Variants in ERCC6L2 observed in about 807,000 individuals in gnomAD.
ERCC6L2 encodes ERCC excision repair 6 like 2.
A neutral mutation model predicts 132.0 loss-of-function variants in ERCC6L2; 77 were observed. The observed-to-expected ratio is 0.58, with a 90% CI of 0.49 to 0.71. The LOEUF is 0.71. Among genes scored for constraint, ERCC6L2 ranks in the 30% least tolerant of loss-of-function variants. ERCC6L2 has a pLI of 0.00. For synonymous variants in ERCC6L2, 583 were observed against 632.4 expected (o/e 0.92, Z 1.17); for missense variants, 1,542 against 1,837.6 (o/e 0.84, Z 2.94).
intron 19 of ERCC6L2, among the ~76,000 whole-genome samples, chr9:96,036,763 A>ATTATT (rs1564314535): frequency 7.3e-6 from 1 of 137,666 alleles, no homozygotes; most frequent in African/African-American, 2.8e-5. Context: ...TATTATTATT[A>ATTATT]TTTTTATTTA....
intron 19 of ERCC6L2, among the ~76,000 whole-genome samples, chr9:96,029,356 AAGTT>A (rs1195048892): frequency 2.6e-5 from 4 of 151,642 alleles, no homozygotes; most frequent in African/African-American, 7.3e-5. Context: ...CAGTTAGGAT[AAGTT>A]AGTTAGGATA....
chr9:95,993,233 GTAGGGCCTGGA>G (rs972709046), intron 17 of ERCC6L2, among the ~76,000 whole-genome samples: 22 of 152,204 alleles, frequency 1.4e-4, no homozygotes, highest in African/African-American at 5.1e-4. Flanking sequence ...AAGTGGCAAA[GTAGGGCCTGGA>G]TGCCAGGGCT....
intron 9 of ERCC6L2, among the ~76,000 whole-genome samples, chr9:95,924,381 CAT>C (rs1463065291): frequency 6.6e-5 from 10 of 151,934 alleles, no homozygotes; most frequent in African/African-American, 2.2e-4. Flanking sequence ...ATGAGGATAT[CAT>C]GTGATTTATT....
intron 9 of ERCC6L2, among the ~76,000 whole-genome samples, chr9:95,926,414 G>C (rs914730117): frequency 1.3e-5 from 2 of 151,988 alleles, no homozygotes; most frequent in African/African-American, 2.4e-5. Flanking sequence ...AAAAAGCTGT[G>C]GTACAGCCAT....
At chr9:95,947,121 G>A (rs942884542) in intron 12 of ERCC6L2, among the ~76,000 whole-genome samples, 1 of 152,194 alleles carries the variant, frequency 6.6e-6, no homozygotes, top group Non-Finnish European at 1.5e-5. Context: ...TTAGTGAGGA[G>A]GGCATGTTGA....
At position 96,012,983 on chromosome 9, in the gene ERCC6L2, T is replaced by G. The variant is rs1385175446; in HGVS notation, c.4433T>G (p.Phe1478Cys). 1 of 1,367,294 alleles carries G rather than the reference T, an allele frequency of 7.3e-7. No individual in the cohort carries two copies. The highest frequency in any genetic ancestry group is 1.5e-5 in the African/African-American group (1 of 67,736). The allele number at this position is 1,367,294 out of a possible 1,614,324, so 84.7% of individuals were successfully genotyped here. ...MEKAKQRPKDFWDILNEQNDE... is the reference protein window; with the variant it reads ...MEKAKQRPKDCWDILNEQNDE... ...AAAGCAAAACAGAGACCAAAAGATT[T>G]CTGGGACATCTTGAATGAGCAGAAT... The change falls in exon 19 of 19, where the codon TTC becomes TGC. Residue 1478 changes from phenylalanine (F) to cysteine (C), a missense_variant. Phe to Cys is a radical substitution (Grantham distance 205). Around this residue, in one of 4 missense-constraint regions of ERCC6L2, gnomAD observed 442 missense variants for 583.4 expected, o/e 0.76. Coordinates refer to ENST00000653738, the MANE Select transcript of ERCC6L2 (RefSeq NM_020207.7).
intron 2 of ERCC6L2, among the ~76,000 whole-genome samples, chr9:95,882,277 C>T (rs1010766738): frequency 8.1e-4 from 123 of 152,186 alleles, no homozygotes; most frequent in Non-Finnish European, 1.6e-3. Flanking sequence ...TCATTAGAAG[C>T]AAGTTGCTAA....
At chr9:95,969,180 G>A (rs1457429716) in intron 14 of ERCC6L2, among the ~76,000 whole-genome samples, 3 of 152,172 alleles carry the variant, frequency 2.0e-5, no homozygotes, top group Non-Finnish European at 2.9e-5. Context: ...GATGGAGCCG[G>A]AGAGATGACA....
chr9:96,005,311 T>C (rs1833829220), intron 18 of ERCC6L2, among the ~76,000 whole-genome samples: 1 of 149,798 alleles, frequency 6.7e-6, no homozygotes, highest in Non-Finnish European at 1.5e-5. Flanking sequence ...AGACTCTGTC[T>C]CAAAAAAAAA....
intron 18 of ERCC6L2, among the ~76,000 whole-genome samples, chr9:96,011,250 T>G (rs1164952005): frequency 6.6e-6 from 1 of 152,248 alleles, no homozygotes; most frequent in East Asian, 1.9e-4. Context: ...ACCATCTCCC[T>G]GTATCCTTAC....
At chr9:96,030,066 T>C (rs1048143906) in intron 19 of ERCC6L2, among the ~76,000 whole-genome samples, 10 of 152,352 alleles carry the variant, frequency 6.6e-5, no homozygotes, top group Non-Finnish European at 1.2e-4. Flanking sequence ...AGAACTTTTC[T>C]GTCTTACAAG....
At chr9:95,881,628 A>G (rs1413314980) in intron 2 of ERCC6L2, among the ~76,000 whole-genome samples, 1 of 152,196 alleles carries the variant, frequency 6.6e-6, no homozygotes, top group Non-Finnish European at 1.5e-5. Flanking sequence ...AAGCATTCTA[A>G]CATTTGTTAT....
chr9:96,004,354 T>C (rs1833790733), intron 17 of ERCC6L2, among the ~76,000 whole-genome samples, 166 bp from the exon 18 acceptor site: 2 of 152,250 alleles, frequency 1.3e-5, no homozygotes, highest in Non-Finnish European at 2.9e-5. Flanking sequence ...TTTCCCTGTG[T>C]CATCTTCTTA....
At position 96,017,933 on chromosome 9, in the gene ERCC6L2, G is replaced by A. The variant is rs2133242142; in HGVS notation, c.*4730G>A. 6.6e-6 allele frequency among the ~76,000 whole-genome samples: 1 copy of A among 152,324 alleles called. No individual in the cohort carries two copies. On this transcript the variant is annotated 3_prime_UTR_variant, in exon 19 of 19. Transcript: ENST00000653738. ...GCCTTGAAAGGAAATTCGGACACGT[G>A]CTACAACATAGATGAATCTTGAGGA...
At chr9:95,937,023 C>T (rs554618039) in intron 11 of ERCC6L2, among the ~76,000 whole-genome samples, 6 of 152,252 alleles carry the variant, frequency 3.9e-5, no homozygotes, top group African/African-American at 1.4e-4. Flanking sequence ...ATACATTCAT[C>T]TGTTGAAGGG....
At chr9:95,922,461 G>A (rs745568309) in intron 8 of ERCC6L2, 43 bp downstream of exon 8, 3 of 1,143,046 alleles carry the variant, frequency 2.6e-6, no homozygotes, top group South Asian at 2.8e-5. Context: ...CTATTGTTGT[G>A]AATATTTTAT....
At chr9:96,020,738 A>G (rs768936947), downstream of ERCC6L2, 1 of 456,278 alleles carries the variant, frequency 2.2e-6, no homozygotes. Flanking sequence ...TGGAGTCCTC[A>G]GAAAAGGCCA....
intron 19 of ERCC6L2, among the ~76,000 whole-genome samples, chr9:96,026,459 G>C (rs1205650020): frequency 6.6e-6 from 1 of 152,074 alleles, no homozygotes; most frequent in Non-Finnish European, 1.5e-5. Context: ...GCGGGGAAGC[G>C]CGGAGTCTCT....
rs572833085 is a variant in ERCC6L2, at chr9:95,959,899, T to C, written c.1947+3886T>C. On this transcript the variant is annotated intron_variant, in intron 13 of 18. Transcript: ENST00000653738. ...CAAGTTAAACTCAGAAGACGACTACTGAAAAGGTAGGTGCAGCCTCTGGAT... is the reference window on the plus strand; with the variant it reads ...CAAGTTAAACTCAGAAGACGACTACCGAAAAGGTAGGTGCAGCCTCTGGAT... Among the ~76,000 whole-genome samples, 3 of 152,118 alleles carry C rather than the reference T, an allele frequency of 2.0e-5. No individual in the cohort carries two copies. In the East Asian group the frequency reaches 5.8e-4, roughly 29 times the overall value.
Sources: gnomAD v4.1 joint callset for allele counts (sites outside exome capture counted in the v4.1 genomes callset) on GRCh38, gnomAD v4.1.1 for gene constraint, gnomAD v4.1.1 regional missense constraint, MANE v1.5 for transcripts, NCBI Gene and HGNC (gene_info 2026-07-23, HGNC 2026-07-21) for gene names.